Variants in AGPAT3 observed in about 807,000 individuals in gnomAD.
The protein encoded by AGPAT3 is 1-acylglycerol-3-phosphate O-acyltransferase 3, also known as 1-acyl-sn-glycerol-3-phosphate acyltransferase gamma.
In AGPAT3, 5 loss-of-function variants were observed where a neutral mutation model predicts 47.3. That is an observed-to-expected ratio of 0.11 (90% confidence interval 0.06 to 0.22). The LOEUF is 0.22. Ranked by LOEUF, AGPAT3 falls within the 10% of genes least tolerant of loss-of-function variation. The pLI is 1.00. For missense variants in AGPAT3, 315 were observed against 493.0 expected (o/e 0.64, Z 3.42); for synonymous variants, 212 against 208.3 (o/e 1.02, Z -0.15).
intron 2 of AGPAT3, among the ~76,000 whole-genome samples, chr21:43,950,214 T>C (rs186069418): frequency 3.9e-4 from 60 of 152,392 alleles, no homozygotes; most frequent in Non-Finnish European, 6.2e-4. Flanking sequence ...ACATTATTCC[T>C]GTTAGCATCA....
chr21:43,968,425 G>A (rs1334974645), intron 4 of AGPAT3, among the ~76,000 whole-genome samples: 1 of 151,690 alleles, frequency 6.6e-6, no homozygotes, highest in Non-Finnish European at 1.5e-5. Flanking sequence ...GCGGGTGCTG[G>A]GGTGAGCAAG....
rs2087385511 is a variant in AGPAT3 at position 43,934,921 on chromosome 21, G to A, written c.-48-24713G>A. 6.9e-6 allele frequency among the ~76,000 whole-genome samples: 1 copy of A among 145,222 alleles called. No homozygotes were observed. The highest frequency in any genetic ancestry group is 1.5e-5 in the Non-Finnish European group (1 of 66,230). ...CACCCATGCCACCCACACCACCTCT[G>A]CCCCTCACATGTCACCCACGCCACT... On this transcript the variant is annotated intron_variant, in intron 2 of 9. Transcript: ENST00000291572. This position sits in a 1 kb window ranked among gnomAD's most constrained non-coding sequence, Gnocchi z 4.7.
chr21:43,949,992 T>C (rs9978664), intron 2 of AGPAT3, among the ~76,000 whole-genome samples: 5 of 152,186 alleles, frequency 3.3e-5, no homozygotes, highest in African/African-American at 9.6e-5. Flanking sequence ...AAACTTCCAG[T>C]TTCCCCCTCT....
At chr21:43,895,422 T>C (rs2086193031) in intron 1 of AGPAT3, among the ~76,000 whole-genome samples, 1 of 152,126 alleles carries the variant, frequency 6.6e-6, no homozygotes, top group Non-Finnish European at 1.5e-5. Context: ...TATCAGCATT[T>C]TACAATGTTC....
In AGPAT3 at chr21:43,918,221, G is replaced by T. The variant is rs957129609; in HGVS notation, c.-49+14202G>T. Among the ~76,000 whole-genome samples the T allele has an allele frequency of 3.3e-5, 5 of 151,190 alleles. No individual in the cohort carries two copies. The East Asian group carries it at 9.8e-4, about 30-fold the overall frequency. ...TTGTGGAGGTTGTGGGTGTTGCGGCGGTTGTGGGTGTTGTGGGTGTTGTAG... is the reference window on the plus strand; with the variant it reads ...TTGTGGAGGTTGTGGGTGTTGCGGCTGTTGTGGGTGTTGTGGGTGTTGTAG... On this transcript the variant is annotated intron_variant, in intron 2 of 9. Transcript: ENST00000291572.
chr21:43,866,590 C>G (rs1601172221), intron 1 of AGPAT3: 1 of 152,208 alleles, frequency 6.6e-6, no homozygotes, highest in African/African-American at 2.4e-5. Flanking sequence ...CTCCCTCTTT[C>G]CAACCAATCC....
rs1348110642 is a variant in AGPAT3 at position 43,880,898 on chromosome 21, G to A, written c.-112+15553G>A. 6.6e-6 allele frequency among the ~76,000 whole-genome samples: 1 copy of A among 152,152 alleles called. No individual in the cohort carries two copies. Among genetic ancestry groups the A allele is most frequent in the African/African-American group, 2.4e-5 (1 of 41,426 alleles). On this transcript the variant is annotated intron_variant, in intron 1 of 9. Transcript: ENST00000291572. This position sits in a 1 kb window ranked among gnomAD's most constrained non-coding sequence, Gnocchi z 4.5. ...ACAGGTGGCAATATGTTAACTGTTC[G>A]TAGCAAGGAAGATTTGTTTTCAGGC...
At chr21:43,910,813 C>T (rs931051223) in intron 2 of AGPAT3, among the ~76,000 whole-genome samples, 1 of 152,186 alleles carries the variant, frequency 6.6e-6, no homozygotes, top group Non-Finnish European at 1.5e-5. Context: ...AAACAAATCT[C>T]ATCAGTGTTC....
At chr21:43,969,420 T>G (rs2089299105) in intron 5 of AGPAT3, 141 bp downstream of exon 5, 2 of 1,100,930 alleles carry the variant, frequency 1.8e-6, no homozygotes, top group Non-Finnish European at 2.6e-6. Flanking sequence ...GGGCCATGAC[T>G]CCCCCATCTG....
chr21:43,940,823 C>G (rs2087629092), intron 2 of AGPAT3, among the ~76,000 whole-genome samples: 1 of 152,218 alleles, frequency 6.6e-6, no homozygotes, highest in Non-Finnish European at 1.5e-5. Context: ...TCCCAGCTGC[C>G]CTTGACCAGA....
chr21:43,900,172 G>A (rs566789752), intron 1 of AGPAT3, among the ~76,000 whole-genome samples: 347 of 152,284 alleles, frequency 2.3e-3, no homozygotes, highest in Non-Finnish European at 4.0e-3. Context: ...CTGCAGCTGA[G>A]GTTCCACTTT....
At chr21:43,956,821 C>T (rs1293509108) in intron 2 of AGPAT3, among the ~76,000 whole-genome samples, 1 of 152,226 alleles carries the variant, frequency 6.6e-6, no homozygotes, top group Non-Finnish European at 1.5e-5. Context: ...CTCACACATC[C>T]TTGTGATGTG....
Position 43,951,360 on chromosome 21 carries a change from A to C in AGPAT3, c.-48-8274A>C, listed in dbSNP as rs559770934. Among the ~76,000 whole-genome samples the C allele has an allele frequency of 2.0e-5, 3 of 152,392 alleles. No homozygotes were observed. In the East Asian group the frequency reaches 5.8e-4, roughly 29 times the overall value. ...ACTCAAAACTCCTGTCTAGAGCATC[A>C]GAAATGATGTGCTTTTGGCATCCTG... On this transcript the variant is annotated intron_variant, in intron 2 of 9. Coordinates refer to ENST00000291572, the MANE Select transcript of AGPAT3 (RefSeq NM_020132.5).
intron 2 of AGPAT3, among the ~76,000 whole-genome samples, chr21:43,949,303 G>A (rs977039883): frequency 5.9e-5 from 9 of 152,164 alleles, no homozygotes; most frequent in African/African-American, 2.2e-4. Context: ...ATTTGGGTTG[G>A]GCTCAGCAAC....
rs950533939 is a variant in AGPAT3 at position 43,890,171 on chromosome 21, C to T, written c.-111-13786C>T. On this transcript the variant is annotated intron_variant, in intron 1 of 9. Transcript: ENST00000291572. ...GGTTCTCATAGTTTAACACCGTCCC[C>T]CTAGTGCTGTAACTGTGATAGAGTT... Among the ~76,000 whole-genome samples, 70 of 152,104 alleles carry T rather than the reference C, an allele frequency of 4.6e-4. 1 individual carries two copies. Among genetic ancestry groups the T allele is most frequent in the Admixed American group, 1.6e-3 (25 of 15,278 alleles).
intron 3 of AGPAT3, among the ~76,000 whole-genome samples, chr21:43,961,496 A>G (rs59443212): frequency 0.07 from 8,980 of 128,110 alleles, 1,053 homozygotes; most frequent in African/African-American, 0.21. Flanking sequence ...AAAACAGTGA[A>G]CGCGTAGACA....
At chr21:43,866,579 C>T (rs373088763) in intron 1 of AGPAT3, 3 of 152,246 alleles carry the variant, frequency 2.0e-5, no homozygotes, top group East Asian at 1.9e-4. Context: ...TGCCGCCCCC[C>T]CTCCCTCTTT....
Position 43,969,156 on chromosome 21 carries a change from G to A in AGPAT3, c.387G>A (p.Val129=), listed in dbSNP as rs116527564. Residue 129 remains valine, a synonymous_variant, in exon 5 of 10, where the codon GTG becomes GTA. Transcript: ENST00000291572. ...KVLAKKELLY[V]PLIGWTWYFL... The stretch of plus-strand genomic sequence containing the variant: ...TCGCTAAGAAGGAGCTGCTCTACGT[G>A]CCCCTCATCGGCTGGACGTGGTACT... 2.0e-4 allele frequency: 315 copies of A among 1,614,200 alleles called. 2 individuals are homozygous for A. In the East Asian group the frequency reaches 4.8e-3, roughly 24 times the overall value.
intron 2 of AGPAT3, chr21:43,916,435 G>A (rs112275207): frequency 6.6e-6 from 1 of 151,964 alleles, no homozygotes; most frequent in Non-Finnish European, 1.5e-5. Flanking sequence ...CGAACATATC[G>A]AATGACTATA....
Sources: allele counts gnomAD v4.1 joint callset (sites outside exome capture counted in the v4.1 genomes callset), GRCh38; gene constraint gnomAD v4.1.1; non-coding constraint Gnocchi (gnomAD v3.1); transcripts MANE v1.5; gene names NCBI Gene and HGNC (gene_info 2026-07-23, HGNC 2026-07-21).